Variants in TPST1 observed in about 807,000 individuals in gnomAD.
The protein encoded by TPST1 is tyrosylprotein sulfotransferase 1, also known as protein-tyrosine sulfotransferase 1.
Under a neutral mutation model 34.8 loss-of-function variants are expected in TPST1, and 20 were observed. The observed-to-expected ratio is 0.57, with a 90% confidence interval of 0.40 to 0.84. TPST1 has a LOEUF of 0.84. TPST1 is among the 40% of genes least tolerant of loss of function. TPST1 has a pLI of 0.00. For synonymous variants in TPST1, 152 were observed against 159.4 expected, an observed-to-expected ratio of 0.95 and a Z score of 0.35; for missense variants, 353 against 455.5, an observed-to-expected ratio of 0.78 and a Z score of 2.05.
chr7:66,298,668 GTTTC>G (rs1791250442), intron 3 of TPST1, among the ~76,000 whole-genome samples: 1 of 151,860 alleles, frequency 6.6e-6, no homozygotes, highest in African/African-American at 2.4e-5. Context: ...ATCTATTTTT[GTTTC>G]TTTGTTTCTC....
chr7:66,256,589 A>C (rs1790388157), intron 2 of TPST1, among the ~76,000 whole-genome samples: 1 of 152,218 alleles, frequency 6.6e-6, no homozygotes, highest in Admixed American at 6.5e-5. Flanking sequence ...GGCAAACAAG[A>C]AGAGCCAGAG....
At chr7:66,216,423 A>G (rs2116256190) in intron 1 of TPST1, among the ~76,000 whole-genome samples, 1 of 149,650 alleles carries the variant, frequency 6.7e-6, no homozygotes, top group South Asian at 2.1e-4. Flanking sequence ...ATTTCACTGT[A>G]GTCTTTATTA....
At chr7:66,352,395 C>A in intron 3 of TPST1, 110 bp from the exon 4 acceptor site, 1 of 1,524,358 alleles carries the variant, frequency 6.6e-7, no homozygotes, top group Non-Finnish European at 8.7e-7. Flanking sequence ...TCATTCTAAA[C>A]TCACCAGCAG....
At chr7:66,357,766 G>A (rs1238195986) in intron 5 of TPST1, among the ~76,000 whole-genome samples, 1 of 152,222 alleles carries the variant, frequency 6.6e-6, no homozygotes, top group African/African-American at 2.4e-5. Flanking sequence ...CCTTTGATCA[G>A]TTGTAACTTG....
chr7:66,275,245 T>C (rs1790783679), intron 2 of TPST1, among the ~76,000 whole-genome samples: 1 of 151,592 alleles, frequency 6.6e-6, no homozygotes, highest in African/African-American at 2.4e-5. Flanking sequence ...GGCAAAGATG[T>C]GGAGAAAAGG....
intron 3 of TPST1, among the ~76,000 whole-genome samples, chr7:66,339,717 A>G (rs567283718): frequency 8.5e-5 from 13 of 152,136 alleles, no homozygotes; most frequent in African/African-American, 3.1e-4. Context: ...AGAGGATCAG[A>G]AAAAATACCT....
chr7:66,336,758 C>T (rs923205055), intron 3 of TPST1, among the ~76,000 whole-genome samples: 1 of 152,122 alleles, frequency 6.6e-6, no homozygotes, highest in Non-Finnish European at 1.5e-5. Flanking sequence ...GCTCAGTGAT[C>T]AGCAATTAAA....
intron 2 of TPST1, among the ~76,000 whole-genome samples, chr7:66,255,852 A>C (rs1262893227): frequency 1.3e-5 from 2 of 152,230 alleles, no homozygotes; most frequent in South Asian, 2.1e-4. Context: ...GCTTAAAAAA[A>C]AAACCAACTA....
chr7:66,220,760 C>CTTT (rs35770115), intron 1 of TPST1, among the ~76,000 whole-genome samples: 133,979 of 149,500 alleles, frequency 0.9, 60,224 homozygotes, highest in African/African-American at 0.94. Context: ...ATGGTGAGGA[C>CTTT]TTAATTTTTT....
chr7:66,297,452 A>T (rs1791224998), intron 3 of TPST1, among the ~76,000 whole-genome samples: 1 of 152,224 alleles, frequency 6.6e-6, no homozygotes, highest in African/African-American at 2.4e-5. Context: ...TGCGGTACCT[A>T]TGAGCCAGAG....
At chr7:66,221,862 C>A (rs1460682998) in intron 1 of TPST1, among the ~76,000 whole-genome samples, 1 of 152,092 alleles carries the variant, frequency 6.6e-6, no homozygotes, top group Non-Finnish European at 1.5e-5. Flanking sequence ...TTCCTCTCTG[C>A]TATGAATTTT....
intron 5 of TPST1, 114 bp from the exon 6 acceptor site, chr7:66,359,781 C>G (rs111696430): frequency 2.3e-6 from 1 of 426,772 alleles, no homozygotes; most frequent in Non-Finnish European, 4.8e-6. Context: ...TCTGCAGGAA[C>G]CTCCCCAACC....
chr7:66,262,699 T>C (rs1009124295), intron 2 of TPST1, among the ~76,000 whole-genome samples: 1 of 152,220 alleles, frequency 6.6e-6, no homozygotes, highest in Non-Finnish European at 1.5e-5. Flanking sequence ...GGGTAGACTT[T>C]CCATTTCCTC....
intron 2 of TPST1, among the ~76,000 whole-genome samples, chr7:66,272,942 G>A (rs13438059): frequency 6.6e-6 from 1 of 152,098 alleles, no homozygotes; most frequent in African/African-American, 2.4e-5. Flanking sequence ...GAGCAATTAA[G>A]CAAGAGACAG....
intron 3 of TPST1, among the ~76,000 whole-genome samples, chr7:66,348,843 C>T (rs1387856799): frequency 6.6e-6 from 1 of 152,188 alleles, no homozygotes; most frequent in Non-Finnish European, 1.5e-5. Flanking sequence ...CTTCAGACAG[C>T]TGCCCACTGA....
chr7:66,327,801 A>G (rs1205174858), intron 3 of TPST1, among the ~76,000 whole-genome samples: 2 of 151,844 alleles, frequency 1.3e-5, no homozygotes, highest in Non-Finnish European at 2.9e-5. Flanking sequence ...TGTAGAGTCC[A>G]TAATGCATAA....
At chr7:66,248,058 A>C (rs1000686739) in intron 2 of TPST1, among the ~76,000 whole-genome samples, 5 of 152,246 alleles carry the variant, frequency 3.3e-5, no homozygotes, top group African/African-American at 1.2e-4. Context: ...ATAATCATTG[A>C]GAAGTTACAA....
At chr7:66,227,310 C>T (rs1052615082) in intron 1 of TPST1, among the ~76,000 whole-genome samples, 2 of 151,990 alleles carry the variant, frequency 1.3e-5, no homozygotes, top group Non-Finnish European at 2.9e-5. Flanking sequence ...GGATTACAGG[C>T]GTGAGCCACT....
intron 3 of TPST1, among the ~76,000 whole-genome samples, chr7:66,340,677 TAACCA>T (rs1166805094): frequency 6.6e-6 from 1 of 152,158 alleles, no homozygotes; most frequent in Non-Finnish European, 1.5e-5. Context: ...GGCATGAACT[TAACCA>T]AATAAGTGAA....
Sources: gnomAD v4.1 joint callset for allele counts (sites outside exome capture counted in the v4.1 genomes callset) on GRCh38, gnomAD v4.1.1 for gene constraint, MANE v1.5 for transcripts, NCBI Gene and HGNC (gene_info 2026-07-23, HGNC 2026-07-21) for gene names.